TFPI: variants seen among roughly 807,000 people sequenced by gnomAD.
TFPI encodes the protein tissue factor pathway inhibitor.
A neutral mutation model predicts 34.6 loss-of-function variants in TFPI; 15 were observed. The observed-to-expected ratio is 0.43, with a 90% CI of 0.29 to 0.67. TFPI has a LOEUF of 0.67. Among genes scored for constraint, TFPI ranks in the 30% least tolerant of loss-of-function variants. The pLI, the probability that TFPI is intolerant of heterozygous loss-of-function variation, is 0.15. For synonymous variants in TFPI, 105 were observed against 120.1 expected (o/e 0.87, Z 0.82); for missense variants, 301 against 364.0 (o/e 0.83, Z 1.41).
At chr2:187,521,130 C>T (rs779227639) in intron 1 of TFPI, among the ~76,000 whole-genome samples, 1 of 151,870 alleles carries the variant, frequency 6.6e-6, no homozygotes, top group Non-Finnish European at 1.5e-5. Flanking sequence ...TCTTTTAGGC[C>T]TTCTTTTTGG....
intron 6 of TFPI, among the ~76,000 whole-genome samples, chr2:187,470,221 T>C (rs1472414247): frequency 6.6e-6 from 1 of 152,196 alleles, no homozygotes; most frequent in Admixed American, 6.6e-5. Flanking sequence ...GCAGATAATA[T>C]GTGTGAATGT....
intron 3 of TFPI, among the ~76,000 whole-genome samples, chr2:187,492,132 C>T (rs1360523668): frequency 6.6e-6 from 1 of 152,080 alleles, no homozygotes; most frequent in Non-Finnish European, 1.5e-5. Context: ...AAATATTTTT[C>T]TCATTCCTTA....
Position 187,536,278 on chromosome 2 carries a change from C to G in TFPI, c.-3+17922G>C, listed in dbSNP as rs567728218. The stretch of plus-strand genomic sequence containing the variant: ...TACCAAAACCTGGCAGAGACACATG[C>G]ACAAAAAGAAAAATTCAGGCCAATA... On this transcript the variant is annotated intron_variant, in intron 1 of 7. Transcript: ENST00000233156. 2.2e-4 allele frequency among the ~76,000 whole-genome samples: 33 copies of G among 152,026 alleles called. 1 individual carries two copies. In the South Asian group the frequency reaches 6.8e-3, roughly 32 times the overall value.
At chr2:187,532,801 A>T (rs13396262) in intron 1 of TFPI, among the ~76,000 whole-genome samples, 2 of 152,066 alleles carry the variant, frequency 1.3e-5, no homozygotes, top group Non-Finnish European at 2.9e-5. Context: ...TCTCAGCCCC[A>T]TGGAGCCCAG....
intron 3 of TFPI, among the ~76,000 whole-genome samples, chr2:187,489,538 T>A (rs1574409619): frequency 6.6e-6 from 1 of 151,488 alleles, no homozygotes; most frequent in Non-Finnish European, 1.5e-5. Context: ...GATATAAAAC[T>A]AATATGATTT....
intron 1 of TFPI, among the ~76,000 whole-genome samples, chr2:187,504,073 A>G (rs1010502945): frequency 6.6e-6 from 1 of 152,152 alleles, no homozygotes; most frequent in Admixed American, 6.6e-5. Context: ...ACGCTGATCA[A>G]TATGGCGAAG....
intron 1 of TFPI, among the ~76,000 whole-genome samples, chr2:187,540,901 AAAAAAAG>A (rs1292709548): frequency 6.6e-6 from 1 of 151,214 alleles, no homozygotes; most frequent in East Asian, 1.9e-4. Flanking sequence ...AAAAAAAAAA[AAAAAAAG>A]AAAAAAGAAA....
chr2:187,542,457 G>A lies in TFPI; in HGVS notation c.-3+11743C>T, dbSNP rs1001339149. On this transcript the variant is annotated intron_variant, in intron 1 of 7. Transcript: ENST00000233156. ...ATTTCTTGCTGTGATTAAATTTTGT[G>A]TACAAGAAAGAGATTGAGATTGTCT... Among the ~76,000 whole-genome samples, 4 of 152,090 alleles carry A rather than the reference G, an allele frequency of 2.6e-5. No individual in the cohort carries two copies. The East Asian group carries it at 5.8e-4, about 22-fold the overall frequency.
chr2:187,529,299 A>G (rs1457217458), intron 1 of TFPI: 2 of 152,188 alleles, frequency 1.3e-5, no homozygotes, highest in Non-Finnish European at 2.9e-5. Flanking sequence ...CTCTCAGTCT[A>G]TTAGGGTTGC....
At chr2:187,500,098 C>G (rs8176433) in intron 2 of TFPI, among the ~76,000 whole-genome samples, 1,793 of 152,234 alleles carry the variant, frequency 0.012, 42 homozygotes, top group African/African-American at 0.041. Flanking sequence ...ATAATCACCT[C>G]TAGTTCAATC....
intron 1 of TFPI, among the ~76,000 whole-genome samples, chr2:187,543,919 A>T (rs1458261893): frequency 6.6e-6 from 1 of 152,176 alleles, no homozygotes; most frequent in African/African-American, 2.4e-5. Flanking sequence ...TGTAACATTG[A>T]GGCAGACAAA....
chr2:187,551,079 C>T (rs963858155), intron 1 of TFPI, among the ~76,000 whole-genome samples: 1 of 152,150 alleles, frequency 6.6e-6, no homozygotes, highest in Non-Finnish European at 1.5e-5. Flanking sequence ...TACATTTTAT[C>T]AGTGTCCTAC....
intron 1 of TFPI, among the ~76,000 whole-genome samples, chr2:187,504,572 AAAAAAAAAG>A (rs1686071104): frequency 6.6e-6 from 1 of 151,982 alleles, no homozygotes; most frequent in Non-Finnish European, 1.5e-5. Context: ...AAAGGAAAAA[AAAAAAAAAG>A]AAAAGAAAGA....
At chr2:187,483,728 C>T (rs1693047774) in intron 6 of TFPI, among the ~76,000 whole-genome samples, 1 of 151,924 alleles carries the variant, frequency 6.6e-6, no homozygotes, top group African/African-American at 2.4e-5. Flanking sequence ...AGAGACCTTG[C>T]CTAGTGTCAT....
chr2:187,505,089 T>G (rs1043030158), intron 1 of TFPI, among the ~76,000 whole-genome samples: 1 of 151,460 alleles, frequency 6.6e-6, no homozygotes, highest in Non-Finnish European at 1.5e-5. Context: ...TTGAAGAATC[T>G]TGAAACTAAA....
At chr2:187,515,214 GC>G (rs751834976) in intron 1 of TFPI, 1 of 152,292 alleles carries the variant, frequency 6.6e-6, no homozygotes, top group Non-Finnish European at 1.5e-5. Flanking sequence ...TAACTCTTGG[GC>G]AAAACCTAAA....
intron 1 of TFPI, among the ~76,000 whole-genome samples, chr2:187,504,176 A>G (rs570828501): frequency 2.2e-4 from 33 of 151,992 alleles, no homozygotes; most frequent in Non-Finnish European, 4.4e-4. Context: ...TTATTTAGGC[A>G]TTTTTCTATT....
At chr2:187,536,699 A>G (rs1688276689) in intron 1 of TFPI, among the ~76,000 whole-genome samples, 1 of 152,128 alleles carries the variant, frequency 6.6e-6, no homozygotes, top group South Asian at 2.1e-4. Context: ...CTCTCTCACC[A>G]CTCCTATTCA....
At chr2:187,540,450 T>C (rs1688517974) in intron 1 of TFPI, among the ~76,000 whole-genome samples, 1 of 152,140 alleles carries the variant, frequency 6.6e-6, no homozygotes. Flanking sequence ...AGATCCTTGG[T>C]AAAGTGAAAT....
Sources: allele counts gnomAD v4.1 joint callset (sites outside exome capture counted in the v4.1 genomes callset), GRCh38; gene constraint gnomAD v4.1.1; transcripts MANE v1.5; gene names NCBI Gene and HGNC (gene_info 2026-07-23, HGNC 2026-07-21).